The following INSR variants were observed in gnomAD, a reference collection of about 807,000 sequenced individuals.
INSR encodes the protein insulin receptor.
Under a neutral mutation model 142.6 loss-of-function variants are expected in INSR, and 67 were observed. That is an observed-to-expected ratio of 0.47 (90% confidence interval 0.39 to 0.58). The LOEUF (loss-of-function observed/expected upper bound fraction) is 0.58, where lower values mean the gene tolerates loss of function less well. INSR is among the 20% of genes least tolerant of loss of function. The probability of loss-of-function intolerance (pLI) is 0.00; values close to 1 mark genes in which losing one functional copy is unlikely to be tolerated. For synonymous variants in INSR, 756 were observed against 743.1 expected (o/e 1.02, Z -0.28); for missense variants, 1,248 against 1,833.2 (o/e 0.68, Z 5.83).
At chr19:7,212,679 G>T (rs570545445) in intron 2 of INSR, among the ~76,000 whole-genome samples, 1 of 152,084 alleles carries the variant, frequency 6.6e-6, no homozygotes, top group Non-Finnish European at 1.5e-5. Context: ...TCTACCTCCC[G>T]GGTTCAAGCG....
intron 2 of INSR, among the ~76,000 whole-genome samples, chr19:7,256,136 A>T (rs1456083726): frequency 1.3e-5 from 2 of 152,098 alleles, no homozygotes; most frequent in African/African-American, 2.4e-5. Context: ...TTTAAAATAA[A>T]ATAAAAATGA....
At chr19:7,203,005 T>TTG (rs1568484408) in intron 2 of INSR, among the ~76,000 whole-genome samples, 97 of 147,876 alleles carry the variant, frequency 6.6e-4, no homozygotes, top group East Asian at 4.0e-3. Context: ...TGTTTTTTTT[T>TTG]TTTTTTTTTC....
At chr19:7,244,531 T>TAAAAAAAAA in intron 2 of INSR, among the ~76,000 whole-genome samples, 1 of 95,676 alleles carries the variant, frequency 1.0e-5, no homozygotes, top group Non-Finnish European at 2.1e-5. Context: ...AGACTCTGTC[T>TAAAAAAAAA]CAAAAAGAAA....
intron 2 of INSR, among the ~76,000 whole-genome samples, chr19:7,195,722 G>A (rs186000349): frequency 4.6e-5 from 7 of 151,930 alleles, no homozygotes; most frequent in Admixed American, 6.6e-5. Context: ...GGAATTGTGC[G>A]GACTTAAGAG....
At chr19:7,189,065 C>T (rs896060194) in intron 2 of INSR, among the ~76,000 whole-genome samples, 2 of 151,982 alleles carry the variant, frequency 1.3e-5, no homozygotes, top group Non-Finnish European at 2.9e-5. Context: ...ACATCATTAA[C>T]ACTGATCTGT....
At chr19:7,193,468 C>T (rs1370853796) in intron 2 of INSR, among the ~76,000 whole-genome samples, 6 of 150,978 alleles carry the variant, frequency 4.0e-5, no homozygotes, top group Non-Finnish European at 7.4e-5. Flanking sequence ...GCTGAGATCA[C>T]GCTACTGCAC....
At chr19:7,236,202 T>C (rs1360933275) in intron 2 of INSR, among the ~76,000 whole-genome samples, 1 of 151,986 alleles carries the variant, frequency 6.6e-6, no homozygotes, top group Non-Finnish European at 1.5e-5. Flanking sequence ...CCTCAAGTGA[T>C]CCACCCGCCT....
chr19:7,177,702 ATTTTTTT>A (rs71177166), intron 3 of INSR, among the ~76,000 whole-genome samples: 46 of 90,662 alleles, frequency 5.1e-4, no homozygotes, highest in African/African-American at 1.9e-3. Flanking sequence ...CTAATTTTGT[ATTTTTTT>A]TTTTTTTTTT....
chr19:7,129,027 C>T (rs1972714156), intron 14 of INSR, 73 bp from the exon 15 acceptor site: 14 of 1,251,346 alleles, frequency 1.1e-5, no homozygotes, highest in Non-Finnish European at 1.5e-5. Context: ...AAATCACATC[C>T]ACTCCTGGAA....
In INSR at chr19:7,147,181, T is replaced by C. The variant is rs544731034; in HGVS notation, c.2267+3316A>G. Among the ~76,000 whole-genome samples, 238 of 143,878 alleles carry C rather than the reference T, an allele frequency of 1.7e-3. 3 individuals carry two copies. Among genetic ancestry groups the C allele is most frequent in the East Asian group, 2.0e-3 (10 of 5,032 alleles). 94.4% of individuals were successfully genotyped at this position (143,878 alleles called of 152,430 possible). ...ATATGTAAGTGTTTAACTTTTTAACTTTTTTTTTTTTTAGACAGAGTCTCG... is the reference window on the plus strand; with the variant it reads ...ATATGTAAGTGTTTAACTTTTTAACCTTTTTTTTTTTTAGACAGAGTCTCG... On this transcript the variant is annotated intron_variant, in intron 11 of 21. Transcript: ENST00000302850.
intron 2 of INSR, among the ~76,000 whole-genome samples, chr19:7,239,140 G>A (rs966478980): frequency 4.6e-5 from 7 of 152,048 alleles, no homozygotes; most frequent in African/African-American, 1.7e-4. Flanking sequence ...GTTTCTATCT[G>A]GCCACAATTT....
In INSR at chr19:7,216,207, C is replaced by A. The variant is rs1975428154; in HGVS notation, c.653-31570G>T. On this transcript the variant is annotated intron_variant, in intron 2 of 21. Coordinates refer to ENST00000302850, the MANE Select transcript of INSR (RefSeq NM_000208.4). This position sits in a 1 kb window ranked among gnomAD's most constrained non-coding sequence, Gnocchi z 4.2. ...GGTGTGGTGGCGTGCACCTGTAATCCCAGCTACTTGGGAGGCTGAGTCAAG... is the reference window on the plus strand; with the variant it reads ...GGTGTGGTGGCGTGCACCTGTAATCACAGCTACTTGGGAGGCTGAGTCAAG... Among the ~76,000 whole-genome samples, 1 of 151,990 alleles carries A rather than the reference C, an allele frequency of 6.6e-6. No homozygotes were observed. The highest frequency in any genetic ancestry group is 6.6e-5 in the Admixed American group (1 of 15,242).
rs78747226 is a variant in INSR, at chr19:7,246,671, G to C, written c.652+20674C>G. 3.0e-3 allele frequency among the ~76,000 whole-genome samples: 461 copies of C among 152,314 alleles called. 1 individual carries two copies. The highest frequency in any genetic ancestry group is 0.011 in the African/African-American group (441 of 41,572). On this transcript the variant is annotated intron_variant, in intron 2 of 21. Transcript: ENST00000302850. Reference sequence around the variant, plus strand: ...GATAAAAGTTCCATGATTGAACGTGGATACAACAAGTTCCCAGTTTTATGT... The same window carrying C: ...GATAAAAGTTCCATGATTGAACGTGCATACAACAAGTTCCCAGTTTTATGT...
intron 2 of INSR, among the ~76,000 whole-genome samples, chr19:7,215,586 G>C (rs1975408680): frequency 1.0e-5 from 1 of 98,824 alleles, no homozygotes; most frequent in African/African-American, 4.2e-5. Flanking sequence ...TTATTTTTTT[G>C]AGATGGAGTC....
At chr19:7,143,408 A>C (rs1284583007) in intron 11 of INSR, among the ~76,000 whole-genome samples, 1 of 152,212 alleles carries the variant, frequency 6.6e-6, no homozygotes, top group East Asian at 1.9e-4. Flanking sequence ...GCAGATAAAT[A>C]GGCCAGCCAG....
At position 7,115,033 on chromosome 19, in the gene INSR, T is replaced by C. The variant is rs754015320; in HGVS notation, c.*2023A>G. 11 of 152,230 alleles carry C rather than the reference T, an allele frequency of 7.2e-5. No individual in the cohort carries two copies. Among genetic ancestry groups the C allele is most frequent in the Non-Finnish European group, 1.6e-4 (11 of 68,042 alleles). 9.4% of individuals were successfully genotyped at this position (152,230 alleles called of 1,614,324 possible). A position where few individuals can be genotyped will look rare whatever the true frequency, so the allele number is the denominator to read the frequency against. Reference sequence around the variant, plus strand: ...TCCTCAGCAATATTTTTACATGCTGTATTTTCCCGAATCATATAAATAAGA... The same window carrying C: ...TCCTCAGCAATATTTTTACATGCTGCATTTTCCCGAATCATATAAATAAGA... On this transcript the variant is annotated 3_prime_UTR_variant, in exon 22 of 22. Coordinates refer to ENST00000302850, the MANE Select transcript of INSR (RefSeq NM_000208.4).
rs1161289283 is a variant in INSR, at chr19:7,243,234, G to GTTTTTT, written c.652+24105_652+24110dup. Among the ~76,000 whole-genome samples the GTTTTTT allele has an allele frequency of 7.3e-4, 50 of 68,216 alleles. 1 individual carries two copies. Among genetic ancestry groups the GTTTTTT allele is most frequent in the South Asian group, 8.4e-4 (1 of 1,188 alleles). 44.8% of individuals were successfully genotyped at this position (68,216 alleles called of 152,430 possible). On this transcript the variant is annotated intron_variant, in intron 2 of 21. Coordinates refer to ENST00000302850, the MANE Select transcript of INSR (RefSeq NM_000208.4). ...TCACAGCCAGTCACACACTGTTTTG[G>GTTTTTT]TTTTTTTTTTTTTTTTTTTTTTTTT...
intron 2 of INSR, among the ~76,000 whole-genome samples, chr19:7,186,968 G>T (rs888147088): frequency 1.3e-5 from 2 of 151,742 alleles, no homozygotes; most frequent in East Asian, 3.9e-4. Flanking sequence ...CTCCCAAAGT[G>T]CAGGGATTAC....
At chr19:7,249,818 C>A (rs373187274) in intron 2 of INSR, among the ~76,000 whole-genome samples, 6 of 152,096 alleles carry the variant, frequency 3.9e-5, no homozygotes, top group Non-Finnish European at 5.9e-5. Flanking sequence ...GGGTGAAACC[C>A]CGTCTCTACT....
Sources: allele counts gnomAD v4.1 joint callset (sites outside exome capture counted in the v4.1 genomes callset), GRCh38; gene constraint gnomAD v4.1.1; non-coding constraint Gnocchi (gnomAD v3.1); transcripts MANE v1.5; gene names NCBI Gene and HGNC (gene_info 2026-07-23, HGNC 2026-07-21).